NPM1: variants seen among roughly 807,000 people sequenced by gnomAD.
NPM1 encodes the protein nucleophosmin 1, also known as nucleophosmin.
Under a neutral mutation model 44.1 loss-of-function variants are expected in NPM1, and 1 was observed. The observed-to-expected ratio is 0.02, with a 90% CI of 0.01 to 0.11. NPM1 has a LOEUF of 0.11. Among genes scored for constraint, NPM1 ranks in the 10% least tolerant of loss-of-function variants. The pLI is 1.00. For synonymous variants in NPM1, 126 were observed against 111.8 expected, an observed-to-expected ratio of 1.13 and a Z score of -0.80; for missense variants, 197 against 347.8, an observed-to-expected ratio of 0.57 and a Z score of 3.45.
chr5:171,392,195 CCT>C (rs1183984407), intron 4 of NPM1, among the ~76,000 whole-genome samples: 2 of 152,144 alleles, frequency 1.3e-5, no homozygotes, highest in Non-Finnish European at 1.5e-5. Flanking sequence ...CACGCCCTGG[CCT>C]CTCAAAGTGC....
intron 2 of NPM1, among the ~76,000 whole-genome samples, chr5:171,390,510 A>G (rs547002794): frequency 2.7e-4 from 41 of 152,290 alleles, no homozygotes; most frequent in African/African-American, 8.9e-4. Flanking sequence ...CATTTCTTAA[A>G]TTTTCTGAAT....
chr5:171,388,626 G>T (rs1225985382), intron 1 of NPM1, among the ~76,000 whole-genome samples: 1 of 152,178 alleles, frequency 6.6e-6, no homozygotes, highest in African/African-American at 2.4e-5. Flanking sequence ...CGCTACATCC[G>T]GGACTCACCG....
upstream of NPM1, chr5:171,387,503 G>A (rs1005793749): frequency 9.7e-6 from 2 of 205,238 alleles, no homozygotes; most frequent in Non-Finnish European, 2.0e-5. Context: ...CATTTTGCAG[G>A]GTGGGCTGCG....
intron 8 of NPM1, among the ~76,000 whole-genome samples, chr5:171,404,002 G>A (rs1181022379): frequency 1.3e-5 from 1 of 76,836 alleles, no homozygotes; most frequent in African/African-American, 5.4e-5. Context: ...TGGCCGGGCT[G>A]AGGGGCTCCT....
chr5:171,410,392 A>G, intron 10 of NPM1, 135 bp from the exon 11 acceptor site: 1 of 508,528 alleles, frequency 2.0e-6, no homozygotes, highest in East Asian at 3.0e-5. Context: ...TCTTGGAGTC[A>G]TATCTTTATC....
At chr5:171,403,802 A>T in intron 8 of NPM1, among the ~76,000 whole-genome samples, 1 of 89,586 alleles carries the variant, frequency 1.1e-5, no homozygotes, top group African/African-American at 4.3e-5. Flanking sequence ...ACTTCCCAGT[A>T]GGGGCGGCCG....
intron 3 of NPM1, 121 bp from the exon 4 acceptor site, chr5:171,391,585 A>G: frequency 8.8e-7 from 1 of 1,135,266 alleles, no homozygotes; most frequent in South Asian, 1.4e-5. Context: ...TTCTGCTGCT[A>G]CTTTTATCAG....
intron 6 of NPM1, 34 bp downstream of exon 6, chr5:171,393,012 G>A (rs749573487): frequency 1.0e-5 from 16 of 1,592,882 alleles, no homozygotes; most frequent in East Asian, 2.2e-5. Flanking sequence ...ATATACTTCC[G>A]GAATCTTGAC....
At chr5:171,397,938 C>G (rs1241823352) in intron 6 of NPM1, among the ~76,000 whole-genome samples, 1 of 151,052 alleles carries the variant, frequency 6.6e-6, no homozygotes, top group East Asian at 2.0e-4. Context: ...TACAGGCACC[C>G]CCCCCACCAC....
intron 8 of NPM1, among the ~76,000 whole-genome samples, chr5:171,401,581 C>G (rs534345180): frequency 1.3e-5 from 2 of 152,108 alleles, no homozygotes; most frequent in African/African-American, 4.8e-5. Context: ...GGACTACATG[C>G]GCGTGCCACC....
intron 8 of NPM1, among the ~76,000 whole-genome samples, chr5:171,404,748 G>T (rs1325891856): frequency 6.8e-6 from 1 of 147,708 alleles, no homozygotes; most frequent in Non-Finnish European, 1.5e-5. Flanking sequence ...GCCGGGCAGA[G>T]GCTGCAATCT....
chr5:171,394,895 T>C (rs58262255), intron 6 of NPM1, among the ~76,000 whole-genome samples: 61,457 of 151,926 alleles, frequency 0.4, 12,437 homozygotes, highest in East Asian at 0.55. Flanking sequence ...TTGATATAAT[T>C]AGGCCAGGCA....
intron 10 of NPM1, among the ~76,000 whole-genome samples, chr5:171,408,757 G>T (rs376828199): frequency 7.2e-5 from 11 of 152,012 alleles, no homozygotes; most frequent in African/African-American, 2.7e-4. Context: ...TTGAAACTCC[G>T]CGTTATGCAA....
Position 171,388,063 on chromosome 5 carries a change from G to C in NPM1, c.58+57G>C. 2.3e-6 allele frequency: 3 copies of C among 1,327,278 alleles called. No individual in the cohort carries two copies. The South Asian group carries it at 3.6e-5, about 16-fold the overall frequency. 82.2% of individuals were successfully genotyped at this position (1,327,278 alleles called of 1,614,324 possible). ...AGCGGGGCCTGGTGGCGGTGAGGGT[G>C]GGGGTGAGGGGCGGGAATCCGGCTG... On this transcript the variant is annotated intron_variant, in intron 1 of 10. Transcript: ENST00000296930.
chr5:171,396,336 CTTGTT>C (rs1472246307), intron 6 of NPM1, among the ~76,000 whole-genome samples: 2 of 152,124 alleles, frequency 1.3e-5, no homozygotes, highest in Admixed American at 1.3e-4. Context: ...GTTTAATAGA[CTTGTT>C]TTAACAAATA....
intron 1 of NPM1, among the ~76,000 whole-genome samples, chr5:171,389,591 C>T (rs1207368735): frequency 2.6e-5 from 4 of 152,200 alleles, no homozygotes; most frequent in Non-Finnish European, 5.9e-5. Flanking sequence ...CTGTAGCAAA[C>T]TTCGGTTCTT....
chr5:171,407,648 C>T (rs1243552450), intron 9 of NPM1, 52 bp from the exon 10 acceptor site: 9 of 1,005,118 alleles, frequency 9.0e-6, no homozygotes, highest in Non-Finnish European at 1.4e-5. Flanking sequence ...CTAAAGGTAT[C>T]TCTCTCGGTG....
In NPM1 at chr5:171,393,791, G is replaced by A. The variant is rs28612145; in HGVS notation, c.524+813G>A. ...GTTCTTCAAAATCTTTGAGCATGACGATGAAGGCAGAAAACAGGAAAAAGG... is the reference window on the plus strand; with the variant it reads ...GTTCTTCAAAATCTTTGAGCATGACAATGAAGGCAGAAAACAGGAAAAAGG... On this transcript the variant is annotated intron_variant, in intron 6 of 10. Coordinates refer to ENST00000296930, the MANE Select transcript of NPM1 (RefSeq NM_002520.7). Among the ~76,000 whole-genome samples, 577 of 152,208 alleles carry A rather than the reference G, an allele frequency of 3.8e-3. 3 individuals carry two copies. The highest frequency in any genetic ancestry group is 0.011 in the African/African-American group (463 of 41,534).
In NPM1 at chr5:171,392,586, C is replaced by CTTTT. The variant is rs34475806; in HGVS notation, c.353-110_353-107dup. 594 of 450,746 alleles carry CTTTT rather than the reference C, an allele frequency of 1.3e-3. 5 individuals are homozygous for CTTTT. In the East Asian group the frequency reaches 0.02, roughly 15 times the overall value. The allele number at this position is 450,746 out of a possible 1,614,324, so 27.9% of individuals were successfully genotyped here. On this transcript the variant is annotated intron_variant, in intron 4 of 10. Coordinates refer to ENST00000296930, the MANE Select transcript of NPM1 (RefSeq NM_002520.7). ...TAAAAAGTTCCTTTTCCCATGTGCT[C>CTTTT]TTTTTTTTTTTTTTTTTAAATAGAA...
Sources: gnomAD v4.1 joint callset for allele counts (sites outside exome capture counted in the v4.1 genomes callset) on GRCh38, gnomAD v4.1.1 for gene constraint, MANE v1.5 for transcripts, NCBI Gene and HGNC (gene_info 2026-07-23, HGNC 2026-07-21) for gene names.